Variants in MALT1 observed in about 807,000 individuals in gnomAD.
The protein encoded by MALT1 is MALT1 paracaspase.
MALT1 carries 36 observed loss-of-function variants against 85.5 expected under a neutral mutation model. The observed-to-expected ratio is 0.42, with a 90% confidence interval of 0.32 to 0.56. MALT1 has a LOEUF of 0.56. MALT1 is among the 20% of genes least tolerant of loss of function. The pLI, the probability that MALT1 is intolerant of heterozygous loss-of-function variation, is 0.10. For missense variants in MALT1, 716 were observed against 981.6 expected, an observed-to-expected ratio of 0.73 and a Z score of 3.62; for synonymous variants, 359 against 361.3, an observed-to-expected ratio of 0.99 and a Z score of 0.07.
chr18:58,730,795 T>G (rs8097512), intron 10 of MALT1, among the ~76,000 whole-genome samples: 18,058 of 152,252 alleles, frequency 0.12, 1,641 homozygotes, highest in African/African-American at 0.26. Flanking sequence ...CCAACACTTG[T>G]TCTTGTCTGT....
intron 9 of MALT1, among the ~76,000 whole-genome samples, chr18:58,718,807 T>C (rs1025735585): frequency 1.3e-5 from 2 of 152,146 alleles, no homozygotes; most frequent in African/African-American, 4.8e-5. Flanking sequence ...GTGATCAGAT[T>C]AGTCGAGGAG....
intron 10 of MALT1, among the ~76,000 whole-genome samples, chr18:58,725,911 A>G (rs1283676130): frequency 6.6e-6 from 1 of 152,134 alleles, no homozygotes; most frequent in East Asian, 1.9e-4. Context: ...AAGTACAAAA[A>G]TTAGCCCAGC....
chr18:58,675,776 CT>C (rs1476674627), intron 1 of MALT1, among the ~76,000 whole-genome samples: 2 of 152,112 alleles, frequency 1.3e-5, no homozygotes, highest in African/African-American at 2.4e-5. Flanking sequence ...GGGTTGATTA[CT>C]CCTAATTTCT....
chr18:58,683,143 A>G (rs2054347542), intron 2 of MALT1, among the ~76,000 whole-genome samples: 1 of 152,144 alleles, frequency 6.6e-6, no homozygotes, highest in Non-Finnish European at 1.5e-5. Flanking sequence ...TTTGAAATCT[A>G]CTAGTCTAGG....
chr18:58,741,374 G>A (rs970642457), intron 13 of MALT1: 1 of 151,190 alleles, frequency 6.6e-6, no homozygotes, highest in African/African-American at 2.4e-5. Context: ...TACAATACTT[G>A]GTATCTCCTT....
intron 3 of MALT1, among the ~76,000 whole-genome samples, chr18:58,698,727 A>C (rs1358349053): frequency 6.6e-6 from 1 of 152,228 alleles, no homozygotes; most frequent in Non-Finnish European, 1.5e-5. Flanking sequence ...GTAGCTTGCT[A>C]ACTGGTTAAG....
chr18:58,749,660 A>G lies in MALT1; in HGVS notation c.*1818A>G. On this transcript the variant is annotated 3_prime_UTR_variant, in exon 17 of 17. Transcript: ENST00000649217. ...AGCAAGTTGGTAAATTCACAAATAC[A>G]TAACCTTGAATAATGAGGATCAACT... The G allele has an allele frequency of 4.5e-6, 1 of 220,324 alleles. No individual in the cohort carries two copies. Among genetic ancestry groups the G allele is most frequent in the Non-Finnish European group, 9.1e-6 (1 of 109,860 alleles). The allele number at this position is 220,324 out of a possible 1,614,324, so 13.6% of individuals were successfully genotyped here.
At chr18:58,742,115 A>G (rs550005908) in intron 14 of MALT1, 101 bp downstream of exon 14, 2 of 1,028,378 alleles carry the variant, frequency 1.9e-6, no homozygotes, top group East Asian at 5.7e-5. Flanking sequence ...TTACAGTGAA[A>G]ATATTTTGGC....
intron 14 of MALT1, 134 bp from the exon 15 acceptor site, chr18:58,744,204 T>C (rs1602344201): frequency 6.0e-6 from 3 of 502,230 alleles, no homozygotes; most frequent in Non-Finnish European, 1.0e-5. Flanking sequence ...AGCATTATTT[T>C]TTAAATTGTA....
intron 6 of MALT1, 45 bp from the exon 7 acceptor site, chr18:58,710,876 G>C (rs768448948): frequency 7.2e-7 from 1 of 1,393,578 alleles, no homozygotes; most frequent in East Asian, 2.4e-5. Flanking sequence ...CCCTTCTTAA[G>C]ATCATGAATT....
chr18:58,719,932 TA>T (rs1204585174), intron 9 of MALT1, among the ~76,000 whole-genome samples: 2 of 152,240 alleles, frequency 1.3e-5, no homozygotes, highest in African/African-American at 4.8e-5. Flanking sequence ...GCTCCTTTTC[TA>T]GGTGCTTCTG....
intron 13 of MALT1, among the ~76,000 whole-genome samples, chr18:58,738,637 A>T (rs2055257877): frequency 6.6e-6 from 1 of 152,218 alleles, no homozygotes; most frequent in Non-Finnish European, 1.5e-5. Flanking sequence ...GATAATGTGA[A>T]TCTGTACTCT....
At chr18:58,704,226 T>C (rs1194200412) in intron 4 of MALT1, among the ~76,000 whole-genome samples, 1 of 152,226 alleles carries the variant, frequency 6.6e-6, no homozygotes, top group Non-Finnish European at 1.5e-5. Context: ...AGAGTAGATA[T>C]ATGTTTAATT....
chr18:58,676,538 C>G (rs539374765), intron 1 of MALT1, among the ~76,000 whole-genome samples: 1 of 152,342 alleles, frequency 6.6e-6, no homozygotes, highest in East Asian at 1.9e-4. Context: ...CCTACTCAGG[C>G]TGAGATGGTC....
chr18:58,737,065 G>A (rs2055231751), intron 13 of MALT1, among the ~76,000 whole-genome samples: 1 of 152,156 alleles, frequency 6.6e-6, no homozygotes, highest in Non-Finnish European at 1.5e-5. Context: ...CCATGGCTGG[G>A]CATGGTGGCT....
rs1293174142 is a variant in MALT1, at chr18:58,754,212, C to A, written c.*6370C>A. 6.6e-6 allele frequency: 1 copy of A among 152,214 alleles called. No individual in the cohort carries two copies. The highest frequency in any genetic ancestry group is 1.9e-4 in the East Asian group (1 of 5,198). 9.4% of individuals were successfully genotyped at this position (152,214 alleles called of 1,614,324 possible). ...AGACCAGAGCCGGGTGTTTTGTCCA[C>A]AGTACTGCTGCTGCTTATACCGTAA... On this transcript the variant is annotated 3_prime_UTR_variant, in exon 17 of 17. Coordinates refer to ENST00000649217, the MANE Select transcript of MALT1 (RefSeq NM_006785.4).
At chr18:58,731,260 G>A (rs1480932989) in intron 10 of MALT1, among the ~76,000 whole-genome samples, 1 of 152,178 alleles carries the variant, frequency 6.6e-6, no homozygotes, top group Non-Finnish European at 1.5e-5. Flanking sequence ...GCCGTCATTA[G>A]TCTTTTTATT....
At chr18:58,697,737 G>A (rs2054611044) in intron 3 of MALT1, among the ~76,000 whole-genome samples, 3 of 152,158 alleles carry the variant, frequency 2.0e-5, no homozygotes, top group African/African-American at 7.2e-5. Flanking sequence ...GAGTTGTAAT[G>A]GATTTTAAAA....
At position 58,690,951 on chromosome 18, in the gene MALT1, G is replaced by A. The variant is rs547465550; in HGVS notation, c.377-5415G>A. On this transcript the variant is annotated intron_variant, in intron 2 of 16. Coordinates refer to ENST00000649217, the MANE Select transcript of MALT1 (RefSeq NM_006785.4). The stretch of plus-strand genomic sequence containing the variant: ...GCCTGCTGTCTGGTCATTGTGGACA[G>A]TCTGATAAAGTTGTGTAAGTCTCAG... 343 of 270,224 alleles carry A rather than the reference G, an allele frequency of 1.3e-3. 5 individuals are homozygous for A. The South Asian group carries it at 0.015, about 12-fold the overall frequency. 16.7% of individuals were successfully genotyped at this position (270,224 alleles called of 1,614,324 possible).
Sources: allele counts gnomAD v4.1 joint callset (sites outside exome capture counted in the v4.1 genomes callset), GRCh38; gene constraint gnomAD v4.1.1; transcripts MANE v1.5; gene names NCBI Gene and HGNC (gene_info 2026-07-23, HGNC 2026-07-21).